Variants in CACNB2 observed in about 807,000 individuals in gnomAD.
CACNB2 encodes calcium voltage-gated channel auxiliary subunit beta 2.
CACNB2 carries 42 observed loss-of-function variants against 73.3 expected under a neutral mutation model. The observed-to-expected ratio is 0.57, with a 90% CI of 0.45 to 0.74. The LOEUF is 0.74. CACNB2 is among the 30% of genes least tolerant of loss of function. CACNB2 has a pLI of 0.00. For synonymous variants in CACNB2, 348 were observed against 310.3 expected, an observed-to-expected ratio of 1.12 and a Z score of -1.28; for missense variants, 940 against 853.0, an observed-to-expected ratio of 1.10 and a Z score of -1.27.
At chr10:18,199,088 T>C (rs1443127232) in intron 2 of CACNB2, among the ~76,000 whole-genome samples, 2 of 152,140 alleles carry the variant, frequency 1.3e-5, no homozygotes, top group Non-Finnish European at 2.9e-5. Flanking sequence ...TTGATATGTG[T>C]CCGCTGAGAA....
intron 2 of CACNB2, among the ~76,000 whole-genome samples, chr10:18,354,251 GT>G (rs2041825437): frequency 6.6e-6 from 1 of 152,176 alleles, no homozygotes; most frequent in Non-Finnish European, 1.5e-5. Context: ...ACAAACACTT[GT>G]TAAGTGTTAG....
chr10:18,405,733 G>A (rs766500344), intron 3 of CACNB2, among the ~76,000 whole-genome samples: 2 of 152,094 alleles, frequency 1.3e-5, no homozygotes, highest in Non-Finnish European at 2.9e-5. Context: ...CGAGGCGGGT[G>A]GATCACCTGA....
At chr10:18,240,672 A>G (rs2036614518) in intron 2 of CACNB2, among the ~76,000 whole-genome samples, 1 of 152,148 alleles carries the variant, frequency 6.6e-6, no homozygotes, top group African/African-American at 2.4e-5. Flanking sequence ...CTGGTTACGC[A>G]AACCAGTAAC....
At chr10:18,261,448 C>T in intron 2 of CACNB2, 1 of 1,261,248 alleles carries the variant, frequency 7.9e-7, no homozygotes, top group Non-Finnish European at 1.1e-6. Flanking sequence ...TCATTTCGTA[C>T]CATGAGTTTT....
chr10:18,295,099 G>T (rs1382079585), intron 2 of CACNB2, among the ~76,000 whole-genome samples: 1 of 152,122 alleles, frequency 6.6e-6, no homozygotes. Context: ...GAGTATTATG[G>T]TGTTTTATAA....
Position 18,433,192 on chromosome 10 carries a change from T to C in CACNB2, c.333+31149T>C, listed in dbSNP as rs759944523. On this transcript the variant is annotated intron_variant, in intron 3 of 13. Coordinates refer to ENST00000324631, the MANE Select transcript of CACNB2 (RefSeq NM_201596.3). Reference sequence around the variant, plus strand: ...GCAGTATGCCAATGCCACATGCAGATAGATATAGCAAGATGATCAAGATAG... The same window carrying C: ...GCAGTATGCCAATGCCACATGCAGACAGATATAGCAAGATGATCAAGATAG... Among the ~76,000 whole-genome samples, 276 of 152,290 alleles carry C rather than the reference T, an allele frequency of 1.8e-3. 5 individuals carry two copies. Among genetic ancestry groups the C allele is most frequent in the Non-Finnish European group, 5.0e-4 (34 of 68,030 alleles).
intron 2 of CACNB2, among the ~76,000 whole-genome samples, chr10:18,176,714 C>G (rs962475447): frequency 1.3e-5 from 2 of 151,138 alleles, no homozygotes; most frequent in African/African-American, 4.9e-5. Flanking sequence ...GTCAAATGGT[C>G]TCCACGTACC....
intron 2 of CACNB2, among the ~76,000 whole-genome samples, chr10:18,376,790 A>G (rs1231582661): frequency 6.6e-6 from 1 of 152,174 alleles, no homozygotes; most frequent in East Asian, 1.9e-4. Flanking sequence ...CAGGGCTAGC[A>G]TGTCCCCGGT....
At chr10:18,474,002 G>A (rs903952206) in intron 3 of CACNB2, among the ~76,000 whole-genome samples, 2 of 152,132 alleles carry the variant, frequency 1.3e-5, no homozygotes, top group African/African-American at 2.4e-5. Flanking sequence ...TTTAAAATGC[G>A]AGGGTTGGAT....
chr10:18,529,565 A>G (rs985404713), intron 10 of CACNB2, among the ~76,000 whole-genome samples: 1 of 152,216 alleles, frequency 6.6e-6, no homozygotes. Flanking sequence ...TTAGCCAAGA[A>G]AAAAGGGAAA....
intron 3 of CACNB2, among the ~76,000 whole-genome samples, chr10:18,414,510 A>G (rs889434760): frequency 1.3e-4 from 17 of 126,312 alleles, no homozygotes; most frequent in African/African-American, 5.3e-4. Context: ...TTTTTTGGAG[A>G]CAGAATCTCT....
At chr10:18,538,515 G>A (rs763160891) in intron 13 of CACNB2, 150 bp downstream of exon 13, 22 of 671,354 alleles carry the variant, frequency 3.3e-5, no homozygotes, top group Non-Finnish European at 5.1e-5. Flanking sequence ...AGCTGTGTAT[G>A]TACCTGTAAG....
intron 3 of CACNB2, among the ~76,000 whole-genome samples, chr10:18,467,580 G>A (rs754652931): frequency 1.3e-5 from 2 of 152,230 alleles, no homozygotes; most frequent in African/African-American, 2.4e-5. Context: ...CGCGTTAATT[G>A]CTGCAGGATT....
At chr10:18,200,641 C>T (rs982067375) in intron 2 of CACNB2, among the ~76,000 whole-genome samples, 1 of 151,816 alleles carries the variant, frequency 6.6e-6, no homozygotes, top group African/African-American at 2.4e-5. Flanking sequence ...ATTAGTCTAC[C>T]TTTTTCCCCG....
chr10:18,446,327 C>A (rs781680495), intron 3 of CACNB2, among the ~76,000 whole-genome samples: 2 of 152,250 alleles, frequency 1.3e-5, no homozygotes, highest in African/African-American at 2.4e-5. Flanking sequence ...GAAATGAAAT[C>A]ATCAGAGCAG....
chr10:18,343,091 C>A (rs2041299172), intron 2 of CACNB2, among the ~76,000 whole-genome samples: 1 of 152,142 alleles, frequency 6.6e-6, no homozygotes, highest in Admixed American at 6.5e-5. Flanking sequence ...GGTGTAATTA[C>A]TTTCTACCGC....
chr10:18,212,869 G>A (rs996124505), intron 2 of CACNB2, among the ~76,000 whole-genome samples: 1 of 152,176 alleles, frequency 6.6e-6, no homozygotes, highest in African/African-American at 2.4e-5. Context: ...GAAGACTTGG[G>A]TTCTGAGCCA....
At chr10:18,446,836 A>G (rs910487073) in intron 3 of CACNB2, among the ~76,000 whole-genome samples, 2 of 152,128 alleles carry the variant, frequency 1.3e-5, no homozygotes, top group Non-Finnish European at 2.9e-5. Context: ...AGGCCGAGGC[A>G]GGAGGATCGC....
At chr10:18,163,923 C>T (rs1027634355) in intron 2 of CACNB2, among the ~76,000 whole-genome samples, 1 of 152,048 alleles carries the variant, frequency 6.6e-6, no homozygotes, top group East Asian at 1.9e-4. Flanking sequence ...CATCCTAAGG[C>T]AGAGTGGAAT....
Sources: gnomAD v4.1 joint callset for allele counts (sites outside exome capture counted in the v4.1 genomes callset) on GRCh38, gnomAD v4.1.1 for gene constraint, MANE v1.5 for transcripts, NCBI Gene and HGNC (gene_info 2026-07-23, HGNC 2026-07-21) for gene names.